TSHZ3: variants seen among roughly 807,000 people sequenced by gnomAD.
TSHZ3 encodes the protein teashirt zinc finger homeobox 3, also known as teashirt homolog 3.
In TSHZ3, 10 loss-of-function variants were observed where a neutral mutation model predicts 64.5. The ratio of observed to expected loss-of-function variants is 0.16; its 90% confidence interval spans 0.10 to 0.26. The LOEUF (loss-of-function observed/expected upper bound fraction) is 0.26, where lower values mean the gene tolerates loss of function less well. Among genes scored for constraint, TSHZ3 ranks in the 10% least tolerant of loss-of-function variants. The probability of loss-of-function intolerance (pLI) is 1.00; values close to 1 mark genes in which losing one functional copy is unlikely to be tolerated. For missense variants in TSHZ3, 1,242 were observed against 1,421.7 expected, an observed-to-expected ratio of 0.87 and a Z score of 2.03; for synonymous variants, 608 against 593.1, an observed-to-expected ratio of 1.03 and a Z score of -0.36.
At chr19:31,337,013 ATTT>A (rs57786560) in intron 1 of TSHZ3, among the ~76,000 whole-genome samples, 1,364 of 131,426 alleles carry the variant, frequency 0.01, 15 homozygotes, top group African/African-American at 0.032. Context: ...CTTTTTTTCT[ATTT>A]TTTTTTTTTT....
At chr19:31,169,363 A>G (rs1974503291) in intron 5 of TSHZ3, among the ~76,000 whole-genome samples, 1 of 152,350 alleles carries the variant, frequency 6.6e-6, no homozygotes, top group Non-Finnish European at 1.5e-5. Flanking sequence ...AAGTGGAAGC[A>G]ACTCAAGTGT....
At chr19:31,322,800 A>T (rs575611455) in intron 1 of TSHZ3, among the ~76,000 whole-genome samples, 1 of 152,254 alleles carries the variant, frequency 6.6e-6, no homozygotes, top group African/African-American at 2.4e-5. Context: ...GAATGAATGA[A>T]TGAATGAGTG....
intron 5 of TSHZ3, among the ~76,000 whole-genome samples, chr19:31,164,639 T>C (rs1974419019): frequency 6.6e-6 from 1 of 152,202 alleles, no homozygotes; most frequent in Middle Eastern, 3.4e-3. Context: ...CACACCGACC[T>C]CTCTGGACCT....
chr19:31,347,873 C>T (rs2021562269), intron 1 of TSHZ3, among the ~76,000 whole-genome samples: 1 of 152,274 alleles, frequency 6.6e-6, no homozygotes, highest in Middle Eastern at 3.4e-3. Context: ...TGTGAGGTCC[C>T]CTGGCAGTGC....
intron 1 of TSHZ3, among the ~76,000 whole-genome samples, chr19:31,291,688 A>G (rs549776550): frequency 1.3e-4 from 20 of 152,362 alleles, no homozygotes; most frequent in African/African-American, 4.6e-4. Flanking sequence ...TGAGTCACCT[A>G]CTGTCCTTGG....
At chr19:31,216,847 A>G (rs1975340548) in intron 4 of TSHZ3, among the ~76,000 whole-genome samples, 1 of 151,504 alleles carries the variant, frequency 6.6e-6, no homozygotes, top group Admixed American at 6.6e-5. Flanking sequence ...TTGTAGAGAC[A>G]TGGTTTCACC....
At chr19:31,224,895 A>C (rs1053997372) in intron 4 of TSHZ3, among the ~76,000 whole-genome samples, 1 of 152,228 alleles carries the variant, frequency 6.6e-6, no homozygotes, top group Admixed American at 6.5e-5. Context: ...TGAATTTCTT[A>C]AATGGCAAAT....
At position 31,278,832 on chromosome 19, in the gene TSHZ3, G is replaced by A. The variant is rs748250164; in HGVS notation, c.961C>T (p.Arg321Trp). 7 of 1,614,154 alleles carry A rather than the reference G, an allele frequency of 4.3e-6. No individual in the cohort carries two copies. Among genetic ancestry groups the A allele is most frequent in the South Asian group, 2.2e-5 (2 of 91,080 alleles). The change falls in exon 2 of 2, where the codon CGG (arginine) becomes TGG (tryptophan). Residue 321 changes from arginine to tryptophan, a missense_variant. By Grantham distance (101) the Arg-to-Trp change is moderately radical. Transcript: ENST00000240587. This position sits in a 1 kb window ranked among gnomAD's most constrained non-coding sequence, Gnocchi z 4.7. ...PVAAKIIPATRKKASLELELP... is the reference protein window; with the variant it reads ...PVAAKIIPATWKKASLELELP... ...TCCAGCTCCAGGGAAGCTTTCTTCC[G>A]AGTGGCAGGGATGATTTTGGCGGCG...
intron 1 of TSHZ3, among the ~76,000 whole-genome samples, chr19:31,336,453 T>TGAGC (rs2145189772): frequency 6.6e-6 from 1 of 152,288 alleles, no homozygotes; most frequent in East Asian, 1.9e-4. Flanking sequence ...TCTAGGTCCT[T>TGAGC]GAGCATGTTC....
intron 5 of TSHZ3, among the ~76,000 whole-genome samples, chr19:31,185,878 A>G (rs1295696225): frequency 6.6e-6 from 1 of 152,118 alleles, no homozygotes; most frequent in Non-Finnish European, 1.5e-5. Context: ...ATTTCTAACT[A>G]TAAATTAGAT....
chr19:31,204,756 C>T (rs1356508669), intron 5 of TSHZ3: 1 of 152,238 alleles, frequency 6.6e-6, no homozygotes, highest in Non-Finnish European at 1.5e-5. Flanking sequence ...GCATGGAAAC[C>T]TTGTTCCACA....
chr19:31,221,741 C>G (rs1474359337), intron 4 of TSHZ3, among the ~76,000 whole-genome samples: 1 of 152,218 alleles, frequency 6.6e-6, no homozygotes, highest in Admixed American at 6.5e-5. Context: ...AGTTTATTAT[C>G]TTAGCATTAA....
At chr19:31,281,074 G>A (rs1017531080) in intron 1 of TSHZ3, among the ~76,000 whole-genome samples, 2 of 152,122 alleles carry the variant, frequency 1.3e-5, no homozygotes, top group African/African-American at 2.4e-5. Context: ...AGGCCAGTGG[G>A]GAAGTGTGTT....
At chr19:31,262,482 C>T (rs1463093895) in intron 1 of TSHZ3, among the ~76,000 whole-genome samples, 1 of 152,048 alleles carries the variant, frequency 6.6e-6, no homozygotes, top group Non-Finnish European at 1.5e-5. Flanking sequence ...AAAGTCAAGT[C>T]GTTTTCATAT....
intron 1 of TSHZ3, among the ~76,000 whole-genome samples, chr19:31,295,049 A>G (rs1976639970): frequency 6.6e-6 from 1 of 152,222 alleles, no homozygotes; most frequent in Non-Finnish European, 1.5e-5. Context: ...AAACCCCTCT[A>G]TGATTAAGGG....
intron 5 of TSHZ3, among the ~76,000 whole-genome samples, chr19:31,160,595 C>T (rs1334861996): frequency 6.6e-6 from 1 of 152,138 alleles, no homozygotes; most frequent in African/African-American, 2.4e-5. Flanking sequence ...AAGGCCTCAG[C>T]TTCTAAGGTC....
chr19:31,248,336 T>C (rs1975784831), intron 1 of TSHZ3, among the ~76,000 whole-genome samples: 1 of 152,104 alleles, frequency 6.6e-6, no homozygotes, highest in Non-Finnish European at 1.5e-5. Flanking sequence ...ATATGAGAAT[T>C]CTCGCAACTT....
At chr19:31,260,890 AT>A (rs1439247205) in intron 1 of TSHZ3, among the ~76,000 whole-genome samples, 1 of 152,196 alleles carries the variant, frequency 6.6e-6, no homozygotes, top group African/African-American at 2.4e-5. Flanking sequence ...CACCACATGC[AT>A]TTTTAAAATT....
chr19:31,314,144 T>A lies in TSHZ3; in HGVS notation c.41-34392A>T, dbSNP rs1052722815. On this transcript the variant is annotated intron_variant, in intron 1 of 1. Transcript: ENST00000240587. ...TGATGACACAGGGTTGCCTCCCTTG[T>A]CCCCTAGACAACCAGAAAGGATGCC... 5.3e-5 allele frequency among the ~76,000 whole-genome samples: 8 copies of A among 152,234 alleles called. No individual in the cohort carries two copies. The South Asian group carries it at 1.2e-3, about 24-fold the overall frequency.
Sources: allele counts gnomAD v4.1 joint callset (sites outside exome capture counted in the v4.1 genomes callset), GRCh38; gene constraint gnomAD v4.1.1; non-coding constraint Gnocchi (gnomAD v3.1); transcripts MANE v1.5; gene names NCBI Gene and HGNC (gene_info 2026-07-23, HGNC 2026-07-21).